Variants in FGGY observed in about 807,000 individuals in gnomAD.
FGGY encodes FGGY carbohydrate kinase domain containing.
FGGY carries 72 observed loss-of-function variants against 71.3 expected under a neutral mutation model. The observed-to-expected ratio is 1.01, with a 90% CI of 0.84 to 1.23. The LOEUF (loss-of-function observed/expected upper bound fraction) is 1.23, where lower values mean the gene tolerates loss of function less well. Among genes scored for constraint, FGGY ranks in the 50% most tolerant of loss-of-function variants. FGGY has a pLI of 0.00. For synonymous variants in FGGY, 251 were observed against 250.3 expected (o/e 1.00, Z -0.02); for missense variants, 668 against 682.3 (o/e 0.98, Z 0.23).
At chr1:59,638,067 T>C (rs1035988425) in intron 10 of FGGY, among the ~76,000 whole-genome samples, 161 bp from the exon 11 acceptor site, 3 of 152,234 alleles carry the variant, frequency 2.0e-5, no homozygotes, top group Non-Finnish European at 4.4e-5. Context: ...TTCTTGGTGA[T>C]AGTACAGTGT....
At position 59,560,378 on chromosome 1, in the gene FGGY, G is replaced by A. The variant is rs72917753; in HGVS notation, c.903+6151G>A. Among the ~76,000 whole-genome samples, 1,065 of 146,052 alleles carry A rather than the reference G, an allele frequency of 7.3e-3. 11 individuals are homozygous for A. The highest frequency in any genetic ancestry group is 0.028 in the African/African-American group (997 of 36,132). On this transcript the variant is annotated intron_variant, in intron 8 of 15. Coordinates refer to ENST00000303721, the MANE Select transcript of FGGY (RefSeq NM_018291.5). ...TAACTAAATGTAATATGGTATCCTG[G>A]ATGGGATCCTGGAGCAGAGAAAGAA...
intron 2 of FGGY, 26 bp downstream of exon 2, chr1:59,321,776 C>T: frequency 1.3e-6 from 2 of 1,595,348 alleles, no homozygotes; most frequent in African/African-American, 1.3e-5. Flanking sequence ...GTGTTCTCTC[C>T]TTGTTCATAT....
intron 1 of FGGY, among the ~76,000 whole-genome samples, chr1:59,301,499 T>G (rs1300182639): frequency 1.3e-5 from 2 of 152,200 alleles, no homozygotes; most frequent in Non-Finnish European, 2.9e-5. Flanking sequence ...TGATGAGAGC[T>G]GACATCTTGC....
At chr1:59,495,132 GTCT>G (rs1253241367) in intron 6 of FGGY, among the ~76,000 whole-genome samples, 6 of 152,218 alleles carry the variant, frequency 3.9e-5, no homozygotes, top group Admixed American at 2.6e-4. Flanking sequence ...TTGGTTGTAT[GTCT>G]TCTTTTGAAA....
At chr1:59,574,902 G>A (rs12757040) in intron 8 of FGGY, among the ~76,000 whole-genome samples, 29,964 of 151,972 alleles carry the variant, frequency 0.2, 3,939 homozygotes, top group African/African-American at 0.37. Flanking sequence ...ATCAGTGCTA[G>A]TTATGTTTAA....
At chr1:59,674,788 T>C (rs2097420294) in intron 14 of FGGY, among the ~76,000 whole-genome samples, 1 of 152,170 alleles carries the variant, frequency 6.6e-6, no homozygotes, top group South Asian at 2.1e-4. Flanking sequence ...CGAAAGACCT[T>C]GCACACATGG....
chr1:59,748,521 C>T (rs2101626540), intron 14 of FGGY, among the ~76,000 whole-genome samples: 1 of 152,290 alleles, frequency 6.6e-6, no homozygotes, highest in East Asian at 1.9e-4. Flanking sequence ...CAGCCAGCAG[C>T]AAGATGGCCA....
intron 5 of FGGY, among the ~76,000 whole-genome samples, chr1:59,424,824 G>A (rs759017741): frequency 6.6e-6 from 1 of 152,188 alleles, no homozygotes; most frequent in Non-Finnish European, 1.5e-5. Context: ...CATGATTTGT[G>A]TGGGTTGAAG....
chr1:59,525,937 G>C (rs545884730), intron 7 of FGGY, among the ~76,000 whole-genome samples: 3 of 152,260 alleles, frequency 2.0e-5, no homozygotes, highest in African/African-American at 4.8e-5. Context: ...TATTACATGT[G>C]TATATCTGTA....
At chr1:59,341,417 C>T (rs2050661782) in intron 3 of FGGY, among the ~76,000 whole-genome samples, 1 of 152,116 alleles carries the variant, frequency 6.6e-6, no homozygotes, top group Non-Finnish European at 1.5e-5. Context: ...TATAAGTGAT[C>T]ACTATAAATA....
intron 8 of FGGY, among the ~76,000 whole-genome samples, chr1:59,595,560 A>T (rs1365566713): frequency 6.6e-6 from 1 of 152,054 alleles, no homozygotes; most frequent in East Asian, 1.9e-4. Context: ...CTTGGTGGTG[A>T]GCAACTGCAG....
chr1:59,360,124 A>ATTG (rs200444810), intron 4 of FGGY, among the ~76,000 whole-genome samples: 222 of 137,224 alleles, frequency 1.6e-3, no homozygotes, highest in East Asian at 9.2e-3. Context: ...TTTTTCTATC[A>ATTG]TTGTTATTAT....
chr1:59,405,557 A>T (rs1350387329), intron 5 of FGGY, among the ~76,000 whole-genome samples: 1 of 152,202 alleles, frequency 6.6e-6, no homozygotes, highest in Non-Finnish European at 1.5e-5. Flanking sequence ...TTGAACTAAA[A>T]CTTACATCAT....
At chr1:59,672,322 T>C (rs2097387015) in intron 13 of FGGY, among the ~76,000 whole-genome samples, 1 of 152,248 alleles carries the variant, frequency 6.6e-6, no homozygotes, top group Admixed American at 6.5e-5. Context: ...CCATCATTTC[T>C]CCAGGGCTTA....
At chr1:59,668,001 A>G (rs1376102543) in intron 13 of FGGY, among the ~76,000 whole-genome samples, 1 of 152,192 alleles carries the variant, frequency 6.6e-6, no homozygotes, top group Non-Finnish European at 1.5e-5. Flanking sequence ...ATCTGTGGGT[A>G]TGATTGCAGA....
chr1:59,693,514 T>C (rs536943112), intron 14 of FGGY, among the ~76,000 whole-genome samples: 12 of 152,216 alleles, frequency 7.9e-5, no homozygotes, highest in African/African-American at 2.6e-4. Context: ...TACATATTAA[T>C]GGTGGTAATG....
chr1:59,522,332 A>G (rs925809609), intron 7 of FGGY, among the ~76,000 whole-genome samples: 1 of 152,224 alleles, frequency 6.6e-6, no homozygotes, highest in Non-Finnish European at 1.5e-5. Context: ...ACTTACACCA[A>G]TGCATATTTG....
chr1:59,539,705 G>A (rs190592360), intron 7 of FGGY, among the ~76,000 whole-genome samples: 4 of 152,184 alleles, frequency 2.6e-5, no homozygotes, highest in Admixed American at 1.3e-4. Flanking sequence ...TCCTAAATAG[G>A]ACATTAATGT....
rs79306100 is a variant in FGGY, at chr1:59,738,328, T to C, written c.1513-19603T>C. Among the ~76,000 whole-genome samples, 6 of 152,242 alleles carry C rather than the reference T, an allele frequency of 3.9e-5. 1 individual carries two copies. Among genetic ancestry groups the C allele is most frequent in the Admixed American group, 1.3e-4 (2 of 15,288 alleles). ...GGAAGGAATCAGCAAAGCCCTCTCA[T>C]TCTTCCCGTATGTAAACTCGGCCTT... On this transcript the variant is annotated intron_variant, in intron 14 of 15. Transcript: ENST00000303721.
Sources: gnomAD v4.1 joint callset for allele counts (sites outside exome capture counted in the v4.1 genomes callset) on GRCh38, gnomAD v4.1.1 for gene constraint, MANE v1.5 for transcripts, NCBI Gene and HGNC (gene_info 2026-07-23, HGNC 2026-07-21) for gene names.